Variants in SNX29 observed in about 807,000 individuals in gnomAD.
SNX29 encodes the protein sorting nexin 29.
Under a neutral mutation model 102.1 loss-of-function variants are expected in SNX29, and 78 were observed. That is an observed-to-expected ratio of 0.76 (90% CI 0.64 to 0.92). The LOEUF is 0.92. SNX29 is among the 40% of genes least tolerant of loss of function. SNX29 has a pLI of 0.00. For synonymous variants in SNX29, 580 were observed against 414.5 expected (o/e 1.40, Z -4.85); for missense variants, 1,280 against 1,061.7 (o/e 1.21, Z -2.86).
intron 10 of SNX29, among the ~76,000 whole-genome samples, chr16:12,077,458 G>A (rs934927067): frequency 2.7e-5 from 4 of 150,342 alleles, no homozygotes; most frequent in Admixed American, 2.7e-4. Flanking sequence ...TGACCGTGCT[G>A]TTCTCACCAA....
At chr16:12,259,964 G>A (rs1055986227) in intron 14 of SNX29, among the ~76,000 whole-genome samples, 5 of 152,034 alleles carry the variant, frequency 3.3e-5, no homozygotes, top group Non-Finnish European at 7.4e-5. Flanking sequence ...GAATGCAGCC[G>A]CTCAGGTCTT....
chr16:12,160,545 A>G (rs2055739894), intron 13 of SNX29, among the ~76,000 whole-genome samples: 1 of 152,168 alleles, frequency 6.6e-6, no homozygotes, highest in African/African-American at 2.4e-5. Context: ...AGTGGTTGTC[A>G]GGGGCCGTGG....
At chr16:12,204,134 A>G (rs1340623668) in intron 14 of SNX29, among the ~76,000 whole-genome samples, 2 of 152,168 alleles carry the variant, frequency 1.3e-5, no homozygotes, top group African/African-American at 2.4e-5. Flanking sequence ...CATCGCACAG[A>G]AAGAGCAGCT....
intron 19 of SNX29, among the ~76,000 whole-genome samples, chr16:12,517,521 C>T (rs1185611770): frequency 6.6e-6 from 1 of 152,220 alleles, no homozygotes; most frequent in African/African-American, 2.4e-5. Flanking sequence ...ACTTTCGCAA[C>T]ATCCTCCAGG....
chr16:12,570,061 A>G lies in SNX29; in HGVS notation c.*1432A>G, dbSNP rs2141581062. On this transcript the variant is annotated 3_prime_UTR_variant, in exon 21 of 21. Coordinates refer to ENST00000566228, the MANE Select transcript of SNX29 (RefSeq NM_032167.5). ...CTCCTAGGCTCGAGGACATCTCTGGAGAATCATCTGGAAGGTTTATACTGT... is the reference window on the plus strand; with the variant it reads ...CTCCTAGGCTCGAGGACATCTCTGGGGAATCATCTGGAAGGTTTATACTGT... 1 of 615,492 alleles carries G rather than the reference A, an allele frequency of 1.6e-6. No individual in the cohort carries two copies. Among genetic ancestry groups the G allele is most frequent in the African/African-American group, 1.9e-5 (1 of 52,242 alleles). The allele number at this position is 615,492 out of a possible 1,614,324, so 38.1% of individuals were successfully genotyped here. A position where few individuals can be genotyped will look rare whatever the true frequency, so the allele number is the denominator to read the frequency against.
At chr16:12,567,802 C>T (rs1239623046) in intron 20 of SNX29, among the ~76,000 whole-genome samples, 5 of 152,154 alleles carry the variant, frequency 3.3e-5, no homozygotes, top group Admixed American at 6.5e-5. Flanking sequence ...CATCACAGGA[C>T]TTCCTGCTGA....
chr16:12,416,270 G>C (rs1170084609), intron 18 of SNX29, among the ~76,000 whole-genome samples: 1 of 152,084 alleles, frequency 6.6e-6, no homozygotes, highest in Admixed American at 6.5e-5. Flanking sequence ...GCAGAGCCCC[G>C]GGGCTTGTCT....
intron 16 of SNX29, among the ~76,000 whole-genome samples, chr16:12,394,164 C>T (rs1335611560): frequency 6.6e-6 from 1 of 152,142 alleles, no homozygotes; most frequent in East Asian, 1.9e-4. Flanking sequence ...GGTTTTAGAC[C>T]CAGTTGTGCA....
intron 13 of SNX29, among the ~76,000 whole-genome samples, chr16:12,171,530 T>C (rs1317356633): frequency 6.6e-6 from 1 of 152,248 alleles, no homozygotes; most frequent in Non-Finnish European, 1.5e-5. Context: ...GCTCTGGCTG[T>C]AGCTGTGTTC....
At chr16:12,369,192 G>C (rs2082593533) in intron 16 of SNX29, among the ~76,000 whole-genome samples, 2 of 151,632 alleles carry the variant, frequency 1.3e-5, no homozygotes, top group African/African-American at 4.9e-5. Flanking sequence ...CTGGAGTGCA[G>C]TGGCTCGATC....
intron 16 of SNX29, among the ~76,000 whole-genome samples, chr16:12,366,272 A>C (rs1009238730): frequency 1.3e-5 from 2 of 152,092 alleles, no homozygotes; most frequent in Non-Finnish European, 2.9e-5. Flanking sequence ...GTACAGCAGC[A>C]TTTCCCAAAA....
Position 12,570,759 on chromosome 16 carries a change from A to C in SNX29, c.*2130A>C, listed in dbSNP as rs1190115506. The C allele has an allele frequency of 9.3e-6, 2 of 215,252 alleles. No homozygotes were observed. The highest frequency in any genetic ancestry group is 2.6e-5 in the African/African-American group (1 of 38,126). 13.3% of individuals were successfully genotyped at this position (215,252 alleles called of 1,614,324 possible). ...TACCCCACGAGGAAGCACCTTGGAC[A>C]TTCTGCACATGATAATAATGCAACA... On this transcript the variant is annotated 3_prime_UTR_variant, in exon 21 of 21. Transcript: ENST00000566228.
At chr16:12,536,896 A>C (rs191157215) in intron 20 of SNX29, among the ~76,000 whole-genome samples, 78 of 152,268 alleles carry the variant, frequency 5.1e-4, no homozygotes, top group African/African-American at 1.8e-3. Context: ...TAATCGCTTG[A>C]GCCCGGGAGG....
intron 4 of SNX29, chr16:12,029,708 C>T (rs1330985548): frequency 2.1e-5 from 9 of 436,548 alleles, no homozygotes; most frequent in Non-Finnish European, 4.1e-5. Flanking sequence ...TCTCCAGCCT[C>T]AGCCACCTGA....
chr16:12,010,424 C>T (rs1202242700), intron 3 of SNX29, among the ~76,000 whole-genome samples: 2 of 152,096 alleles, frequency 1.3e-5, no homozygotes, highest in Non-Finnish European at 2.9e-5. Context: ...GAGTTCGAGA[C>T]CAGCCTGGCC....
At chr16:12,041,563 T>C (rs556574193) in intron 4 of SNX29, among the ~76,000 whole-genome samples, 2 of 152,356 alleles carry the variant, frequency 1.3e-5, no homozygotes, top group African/African-American at 4.8e-5. Context: ...GGCTGCTTCC[T>C]TCCAGAGGCT....
At chr16:12,047,169 G>A (rs2050122344) in intron 6 of SNX29, among the ~76,000 whole-genome samples, 1 of 152,200 alleles carries the variant, frequency 6.6e-6, no homozygotes, top group African/African-American at 2.4e-5. Flanking sequence ...ATGGGGCTGT[G>A]AGAGAATCAT....
chr16:12,448,484 T>TA (rs397784883), intron 18 of SNX29, among the ~76,000 whole-genome samples: 4 of 151,794 alleles, frequency 2.6e-5, no homozygotes, highest in African/African-American at 9.7e-5. Context: ...TTTTTTTTTT[T>TA]AGGCCACCAA....
intron 19 of SNX29, among the ~76,000 whole-genome samples, chr16:12,493,906 G>C (rs560714164): frequency 9.3e-4 from 142 of 152,242 alleles, no homozygotes; most frequent in African/African-American, 3.1e-3. Flanking sequence ...TTTTGTTTTT[G>C]ATTCACATTT....
Sources: gnomAD v4.1 joint callset for allele counts (sites outside exome capture counted in the v4.1 genomes callset) on GRCh38, gnomAD v4.1.1 for gene constraint, MANE v1.5 for transcripts, NCBI Gene and HGNC (gene_info 2026-07-23, HGNC 2026-07-21) for gene names.